IPO11: variants seen among roughly 807,000 people sequenced by gnomAD.
IPO11 encodes the protein importin-11.
In IPO11, 66 loss-of-function variants were observed where a neutral mutation model predicts 143.2. The ratio of observed to expected loss-of-function variants is 0.46; its 90% confidence interval spans 0.38 to 0.57. IPO11 has a LOEUF of 0.57. Among genes scored for constraint, IPO11 ranks in the 20% least tolerant of loss-of-function variants. The pLI, the probability that IPO11 is intolerant of heterozygous loss-of-function variation, is 0.00. For missense variants in IPO11, 1,026 were observed against 1,141.0 expected (o/e 0.90, Z 1.45); for synonymous variants, 385 against 377.8 (o/e 1.02, Z -0.22).
intron 3 of IPO11, among the ~76,000 whole-genome samples, chr5:62,448,808 C>T (rs924778071): frequency 3.9e-5 from 6 of 152,194 alleles, no homozygotes; most frequent in Non-Finnish European, 7.4e-5. Context: ...GTCCTTCTAT[C>T]TCAGCCTCCC....
chr5:62,425,480 G>A (rs1743699019), intron 1 of IPO11, among the ~76,000 whole-genome samples: 1 of 152,098 alleles, frequency 6.6e-6, no homozygotes, highest in Admixed American at 6.6e-5. Flanking sequence ...ACCATGCCTG[G>A]CTAATTTTTG....
chr5:62,452,936 A>G (rs1257740299), intron 5 of IPO11, among the ~76,000 whole-genome samples: 2 of 150,428 alleles, frequency 1.3e-5, no homozygotes, highest in African/African-American at 5.0e-5. Context: ...AATTTTTTTT[A>G]GAGATGAAGT....
At chr5:62,524,835 C>A (rs1561348347) in intron 20 of IPO11, among the ~76,000 whole-genome samples, 2 of 152,050 alleles carry the variant, frequency 1.3e-5, no homozygotes, top group Non-Finnish European at 2.9e-5. Flanking sequence ...TTGTAATTTG[C>A]TTTGAATTAT....
chr5:62,452,684 T>TGC (rs1421489580), intron 5 of IPO11, among the ~76,000 whole-genome samples: 1 of 148,046 alleles, frequency 6.8e-6, no homozygotes, highest in Non-Finnish European at 1.5e-5. Flanking sequence ...TGTGTGTGTG[T>TGC]GTATGTTTTG....
intron 24 of IPO11, among the ~76,000 whole-genome samples, chr5:62,544,560 T>TCA (rs1236746365): frequency 6.6e-6 from 1 of 152,208 alleles, no homozygotes; most frequent in Non-Finnish European, 1.5e-5. Flanking sequence ...ATACCCTGTC[T>TCA]CACCACTCCT....
intron 25 of IPO11, 34 bp from the exon 26 acceptor site, chr5:62,551,189 A>G (rs747879285): frequency 2.5e-6 from 3 of 1,192,060 alleles, no homozygotes; most frequent in African/African-American, 1.5e-5. Context: ...GTACCATAAC[A>G]CAATTTTACA....
chr5:62,545,601 T>G (rs549732772), intron 24 of IPO11, among the ~76,000 whole-genome samples: 129 of 152,012 alleles, frequency 8.5e-4, no homozygotes, highest in African/African-American at 2.9e-3. Flanking sequence ...TGACAAATGG[T>G]ATCTAATTAA....
chr5:62,491,822 T>A (rs539988158), intron 15 of IPO11, among the ~76,000 whole-genome samples: 1 of 151,914 alleles, frequency 6.6e-6, no homozygotes, highest in Non-Finnish European at 1.5e-5. Context: ...CCCGCCACCA[T>A]GCCCGGCTAA....
At chr5:62,469,207 A>G (rs1321006176) in intron 6 of IPO11, among the ~76,000 whole-genome samples, 1 of 152,206 alleles carries the variant, frequency 6.6e-6, no homozygotes, top group Admixed American at 6.5e-5. Flanking sequence ...TTGTGGTGAG[A>G]AAGCATATCC....
rs548803061 is a variant in IPO11, at chr5:62,475,291, C to T, written c.757+827C>T. ...ACCCCAGCACTTTGGGAGGCCGAGG[C>T]GAGTGAGTCGCTTGAGCCCAGGAGT... On this transcript the variant is annotated intron_variant, in intron 8 of 29. Coordinates refer to ENST00000325324, the MANE Select transcript of IPO11 (RefSeq NM_016338.5). Among the ~76,000 whole-genome samples, 32 of 152,218 alleles carry T rather than the reference C, an allele frequency of 2.1e-4. No individual in the cohort carries two copies. The South Asian group carries it at 3.9e-3, about 19-fold the overall frequency.
chr5:62,483,226 C>T lies in IPO11; in HGVS notation c.954C>T (p.Val318=). Residue 318 remains valine, a synonymous_variant, in exon 10 of 30, where the codon GTC becomes GTT. Transcript: ENST00000325324. ...GCGTTACATTTGAACGATTCATTGT[C>T]CAATGTATGAATCTTATTAAGATGA... ...GEGVTFERFI[V]QCMNLIKMIV... The T allele has an allele frequency of 1.9e-6, 3 of 1,610,812 alleles. No individual in the cohort carries two copies. Among genetic ancestry groups the T allele is most frequent in the Non-Finnish European group, 2.5e-6 (3 of 1,178,198 alleles).
chr5:62,540,433 T>C (rs1369385502), intron 24 of IPO11, among the ~76,000 whole-genome samples: 1 of 152,258 alleles, frequency 6.6e-6, no homozygotes, highest in East Asian at 1.9e-4. Context: ...CAAATTTGAA[T>C]TGACCTTACC....
chr5:62,443,106 T>G, intron 3 of IPO11, 23 bp downstream of exon 3: 1 of 1,432,934 alleles, frequency 7.0e-7, no homozygotes, highest in Non-Finnish European at 9.8e-7. Flanking sequence ...ACTTCCCCTA[T>G]TCCTTGAGTA....
At chr5:62,503,155 C>G (rs897779680) in intron 16 of IPO11, among the ~76,000 whole-genome samples, 2 of 151,926 alleles carry the variant, frequency 1.3e-5, no homozygotes, top group Non-Finnish European at 2.9e-5. Context: ...GAGGGGCTTT[C>G]ATGTCTTGGT....
intron 2 of IPO11, among the ~76,000 whole-genome samples, chr5:62,438,254 G>A (rs1744310905): frequency 6.6e-6 from 1 of 151,930 alleles, no homozygotes; most frequent in Non-Finnish European, 1.5e-5. Context: ...AATTGAAGAA[G>A]ATATTGTTCA....
At chr5:62,473,597 A>G (rs916535176) in intron 7 of IPO11, among the ~76,000 whole-genome samples, 5 of 152,052 alleles carry the variant, frequency 3.3e-5, no homozygotes. Context: ...AGAGTTAATT[A>G]TTTTCCAGGA....
chr5:62,447,118 T>C (rs1424002280), intron 3 of IPO11, among the ~76,000 whole-genome samples: 2 of 152,064 alleles, frequency 1.3e-5, no homozygotes, highest in Non-Finnish European at 2.9e-5. Context: ...TATATTTTTT[T>C]TTAAGAAGAC....
intron 9 of IPO11, among the ~76,000 whole-genome samples, chr5:62,477,146 C>T (rs992826792): frequency 2.6e-5 from 4 of 152,118 alleles, no homozygotes; most frequent in Non-Finnish European, 4.4e-5. Context: ...AGACTATCTT[C>T]GTCCATACTA....
At chr5:62,553,651 T>G (rs1277015463) in intron 26 of IPO11, among the ~76,000 whole-genome samples, 1 of 151,842 alleles carries the variant, frequency 6.6e-6, no homozygotes, top group East Asian at 1.9e-4. Context: ...TTCCAGCATT[T>G]TTTTTTTTTT....
Sources: gnomAD v4.1 joint callset for allele counts (sites outside exome capture counted in the v4.1 genomes callset) on GRCh38, gnomAD v4.1.1 for gene constraint, MANE v1.5 for transcripts, NCBI Gene and HGNC (gene_info 2026-07-23, HGNC 2026-07-21) for gene names.